Variants in SSPN observed in about 807,000 individuals in gnomAD.
SSPN encodes the protein sarcospan.
A neutral mutation model predicts 19.1 loss-of-function variants in SSPN; 15 were observed. The ratio of observed to expected loss-of-function variants is 0.78; its 90% CI spans 0.52 to 1.21. The LOEUF is 1.21. SSPN is among the 50% of genes most tolerant of loss of function. The pLI, the probability that SSPN is intolerant of heterozygous loss-of-function variation, is 0.00. For synonymous variants in SSPN, 147 were observed against 140.3 expected, an observed-to-expected ratio of 1.05 and a Z score of -0.34; for missense variants, 291 against 314.0, an observed-to-expected ratio of 0.93 and a Z score of 0.55.
intron 1 of SSPN, among the ~76,000 whole-genome samples, chr12:26,179,806 G>A (rs551184396): frequency 6.6e-6 from 1 of 151,690 alleles, no homozygotes; most frequent in South Asian, 2.1e-4. Flanking sequence ...CAACTGAGTA[G>A]TTTCTCTACA....
intron 1 of SSPN, chr12:26,122,875 G>C: frequency 6.4e-7 from 1 of 1,557,442 alleles, no homozygotes. Context: ...CAGTAGGCGA[G>C]GGGCTCCAGC....
chr12:26,173,197 G>A (rs1384802948), intron 1 of SSPN, among the ~76,000 whole-genome samples: 1 of 152,206 alleles, frequency 6.6e-6, no homozygotes, highest in East Asian at 1.9e-4. Flanking sequence ...ACTCTGGGGT[G>A]TGAACTGCCA....
At chr12:26,215,212 A>G (rs1282754287) in intron 1 of SSPN, among the ~76,000 whole-genome samples, 2 of 152,232 alleles carry the variant, frequency 1.3e-5, no homozygotes, top group African/African-American at 4.8e-5. Flanking sequence ...GGCCATTGAT[A>G]GCAAGATCTC....
At chr12:26,209,022 ATTC>A (rs987767959) in intron 1 of SSPN, among the ~76,000 whole-genome samples, 1 of 145,384 alleles carries the variant, frequency 6.9e-6, no homozygotes, top group African/African-American at 2.5e-5. Context: ...CCTTCATTTT[ATTC>A]TTCTTCAAAA....
At chr12:26,218,000 A>G (rs1222314496) in intron 1 of SSPN, among the ~76,000 whole-genome samples, 2 of 151,820 alleles carry the variant, frequency 1.3e-5, no homozygotes, top group African/African-American at 4.8e-5. Flanking sequence ...TCATGCTGCT[A>G]TAAAGACACA....
At chr12:26,188,866 C>A (rs867397026) in intron 1 of SSPN, among the ~76,000 whole-genome samples, 2 of 152,136 alleles carry the variant, frequency 1.3e-5, no homozygotes, top group African/African-American at 4.8e-5. Context: ...TCTGTCCACA[C>A]AGCACTGTAT....
intron 1 of SSPN, among the ~76,000 whole-genome samples, chr12:26,224,082 G>T (rs1945151403): frequency 6.6e-6 from 1 of 152,202 alleles, no homozygotes; most frequent in African/African-American, 2.4e-5. Flanking sequence ...AAAGAACTTA[G>T]TAAATGCTGG....
intron 1 of SSPN, among the ~76,000 whole-genome samples, chr12:26,198,169 G>C (rs896079221): frequency 3.6e-4 from 54 of 148,796 alleles, no homozygotes; most frequent in Non-Finnish European, 6.8e-4. Flanking sequence ...TGAGTTTTGG[G>C]GGGGGGTTTT....
chr12:26,124,227 T>G (rs1944341546), intron 1 of SSPN: 1 of 1,253,492 alleles, frequency 8.0e-7, no homozygotes, highest in African/African-American at 1.5e-5. Flanking sequence ...AGCGAAACAT[T>G]CACTTATTGG....
At chr12:26,135,626 T>C (rs1288183948) in intron 1 of SSPN, among the ~76,000 whole-genome samples, 1 of 152,196 alleles carries the variant, frequency 6.6e-6, no homozygotes. Context: ...TTGCATTTCC[T>C]CCTGGCACTC....
At chr12:26,227,201 C>A (rs989941764) in intron 2 of SSPN, among the ~76,000 whole-genome samples, 1 of 152,136 alleles carries the variant, frequency 6.6e-6, no homozygotes, top group Non-Finnish European at 1.5e-5. Flanking sequence ...TTGTTGCTGT[C>A]AGATGAGTTA....
intron 1 of SSPN, among the ~76,000 whole-genome samples, chr12:26,182,059 T>C (rs1944721654): frequency 6.6e-6 from 1 of 152,202 alleles, no homozygotes; most frequent in South Asian, 2.1e-4. Flanking sequence ...AATTGACAGT[T>C]GTTTAGAGGT....
chr12:26,157,375 C>G (rs1172214374), intron 1 of SSPN, among the ~76,000 whole-genome samples: 1 of 152,188 alleles, frequency 6.6e-6, no homozygotes, highest in African/African-American at 2.4e-5. Context: ...GAAATACATT[C>G]TCATTCTTGG....
At chr12:26,176,963 G>T (rs547327159) in intron 1 of SSPN, among the ~76,000 whole-genome samples, 20 of 152,234 alleles carry the variant, frequency 1.3e-4, no homozygotes, top group African/African-American at 4.6e-4. Context: ...TCAAATATTT[G>T]CCATAGCTTT....
chr12:26,178,347 A>G (rs541394024), intron 1 of SSPN, among the ~76,000 whole-genome samples: 104 of 150,988 alleles, frequency 6.9e-4, no homozygotes, highest in African/African-American at 2.4e-3. Context: ...GACTAAATGT[A>G]TGTGTGTGTG....
chr12:26,169,206 TTC>T (rs1944639861), intron 1 of SSPN, among the ~76,000 whole-genome samples: 1 of 152,114 alleles, frequency 6.6e-6, no homozygotes, highest in Non-Finnish European at 1.5e-5. Flanking sequence ...TTTTTTTTTG[TTC>T]TGTCTTTGCT....
chr12:26,174,925 GT>G (rs1944675399), intron 1 of SSPN, among the ~76,000 whole-genome samples: 1 of 152,024 alleles, frequency 6.6e-6, no homozygotes, highest in Admixed American at 6.6e-5. Flanking sequence ...GTATTTTTTT[GT>G]TTGTTTTTGG....
At chr12:26,206,093 C>T (rs1944928840) in intron 1 of SSPN, among the ~76,000 whole-genome samples, 1 of 152,148 alleles carries the variant, frequency 6.6e-6, no homozygotes, top group South Asian at 2.1e-4. Flanking sequence ...AATTTTTCCA[C>T]CTCAAGACCT....
chr12:26,165,129 A>T (rs967000225), intron 1 of SSPN, among the ~76,000 whole-genome samples: 1 of 152,232 alleles, frequency 6.6e-6, no homozygotes, highest in Non-Finnish European at 1.5e-5. Context: ...AAAATTCTGA[A>T]CTTCTAGATG....
Sources: gnomAD v4.1 joint callset for allele counts (sites outside exome capture counted in the v4.1 genomes callset) on GRCh38, gnomAD v4.1.1 for gene constraint, MANE v1.5 for transcripts, NCBI Gene and HGNC (gene_info 2026-07-23, HGNC 2026-07-21) for gene names.